AGO1: variants seen among roughly 807,000 people sequenced by gnomAD.
AGO1 encodes protein argonaute-1.
A neutral mutation model predicts 109.2 loss-of-function variants in AGO1; 11 were observed. The ratio of observed to expected loss-of-function variants is 0.10; its 90% CI spans 0.06 to 0.17. AGO1 has a LOEUF of 0.17. Among genes scored for constraint, AGO1 ranks in the 10% least tolerant of loss-of-function variants. The pLI, the probability that AGO1 is intolerant of heterozygous loss-of-function variation, is 1.00. For missense variants in AGO1, 574 were observed against 1,140.3 expected (o/e 0.50, Z 7.15); for synonymous variants, 422 against 418.6 (o/e 1.01, Z -0.10).
intron 3 of AGO1, among the ~76,000 whole-genome samples, 184 bp downstream of exon 3, chr1:35,892,861 A>G (rs1645247046): frequency 1.3e-5 from 2 of 152,316 alleles, no homozygotes; most frequent in South Asian, 4.1e-4. Flanking sequence ...TGTCCTAAAC[A>G]GATTGAGATT....
Position 35,927,386 on chromosome 1 carries a change from T to C in AGO1, c.*7779T>C, listed in dbSNP as rs543584812. The C allele has an allele frequency of 1.3e-5, 2 of 152,240 alleles. No individual in the cohort carries two copies. Among genetic ancestry groups the C allele is most frequent in the East Asian group, 3.9e-4 (2 of 5,180 alleles). The allele number at this position is 152,240 out of a possible 1,614,324, so 9.4% of individuals were successfully genotyped here. A position where few individuals can be genotyped will look rare whatever the true frequency, so the allele number is the denominator to read the frequency against. Reference sequence around the variant, plus strand: ...ACACCAAAGACTCAGTTTCTTGAAATTTTTTTGCTCTGCCATCCTCCATGT... The same window carrying C: ...ACACCAAAGACTCAGTTTCTTGAAACTTTTTTGCTCTGCCATCCTCCATGT... On this transcript the variant is annotated 3_prime_UTR_variant, in exon 19 of 19. Coordinates refer to ENST00000373204, the MANE Select transcript of AGO1 (RefSeq NM_012199.5).
At chr1:35,871,031 G>C (rs1644945538) in intron 1 of AGO1, among the ~76,000 whole-genome samples, 1 of 152,162 alleles carries the variant, frequency 6.6e-6, no homozygotes, top group Admixed American at 6.5e-5. Flanking sequence ...AAACAGTGCT[G>C]CTAAGAACAT....
intron 14 of AGO1, 81 bp downstream of exon 14, chr1:35,914,355 C>A: frequency 8.6e-7 from 1 of 1,156,244 alleles, no homozygotes; most frequent in Non-Finnish European, 1.3e-6. Flanking sequence ...TTCCTTCCCT[C>A]AGCTCTGGCT....
chr1:35,872,492 A>G (rs1644960247), intron 1 of AGO1, among the ~76,000 whole-genome samples: 1 of 152,012 alleles, frequency 6.6e-6, no homozygotes, highest in African/African-American at 2.4e-5. Flanking sequence ...GGCCCGACTC[A>G]ATTTCTTTAA....
chr1:35,870,156 G>T (rs1644935932), intron 1 of AGO1, among the ~76,000 whole-genome samples: 1 of 152,062 alleles, frequency 6.6e-6, no homozygotes, highest in Non-Finnish European at 1.5e-5. Context: ...TCCGCCTGTG[G>T]CTGGGAGTCC....
At chr1:35,871,645 G>A (rs1644952184) in intron 1 of AGO1, among the ~76,000 whole-genome samples, 1 of 152,096 alleles carries the variant, frequency 6.6e-6, no homozygotes, top group Admixed American at 6.6e-5. Flanking sequence ...GGCCAAGGTG[G>A]GAGAATTGCT....
chr1:35,871,511 C>G (rs1644951076), intron 1 of AGO1, among the ~76,000 whole-genome samples: 1 of 151,518 alleles, frequency 6.6e-6, no homozygotes, highest in African/African-American at 2.4e-5. Context: ...CCACTGCACT[C>G]CAGCCTGGTG....
intron 12 of AGO1, among the ~76,000 whole-genome samples, chr1:35,909,398 T>C (rs758880797): frequency 3.3e-5 from 5 of 152,226 alleles, no homozygotes; most frequent in Non-Finnish European, 5.9e-5. Context: ...GAATTAATTA[T>C]ATAAAAAGCA....
intron 15 of AGO1, among the ~76,000 whole-genome samples, chr1:35,916,572 C>T (rs754005407): frequency 1.8e-4 from 27 of 152,040 alleles, no homozygotes; most frequent in Non-Finnish European, 4.0e-4. Context: ...TTCACTATGT[C>T]GGCCAGGCTG....
At chr1:35,903,080 A>C (rs1288952342) in intron 11 of AGO1, among the ~76,000 whole-genome samples, 1 of 139,588 alleles carries the variant, frequency 7.2e-6, no homozygotes, top group Non-Finnish European at 1.5e-5. Flanking sequence ...ATCTTGGCTC[A>C]CTGCAAGCTC....
chr1:35,916,006 A>G (rs1009446964), intron 15 of AGO1, among the ~76,000 whole-genome samples: 1 of 150,656 alleles, frequency 6.6e-6, no homozygotes, highest in African/African-American at 2.5e-5. Flanking sequence ...TATTCCTCCT[A>G]TTCATTCTCA....
In AGO1 at chr1:35,921,552, G is replaced by A. The variant is rs955570714; in HGVS notation, c.*1945G>A. The A allele has an allele frequency of 6.5e-5, 10 of 152,706 alleles. No homozygotes were observed. Among genetic ancestry groups the A allele is most frequent in the African/African-American group, 2.4e-4 (10 of 41,454 alleles). 9.5% of individuals were successfully genotyped at this position (152,706 alleles called of 1,614,324 possible). A position where few individuals can be genotyped will look rare whatever the true frequency, so the allele number is the denominator to read the frequency against. ...ATTACTTTAGACCTAGCCCAGGCTT[G>A]GAGGCCAGCTGGAGGAAGAAGGGTC... On this transcript the variant is annotated 3_prime_UTR_variant, in exon 19 of 19. Transcript: ENST00000373204.
intron 11 of AGO1, among the ~76,000 whole-genome samples, chr1:35,903,228 G>A (rs570666415): frequency 2.6e-5 from 4 of 151,400 alleles, no homozygotes; most frequent in Non-Finnish European, 5.9e-5. Flanking sequence ...GGATGATCTC[G>A]ATTTCCTGAC....
chr1:35,916,112 C>T (rs912021715), intron 15 of AGO1, among the ~76,000 whole-genome samples: 9 of 151,956 alleles, frequency 5.9e-5, no homozygotes, highest in African/African-American at 1.9e-4. Flanking sequence ...AATGAACTTC[C>T]TATGTGCCAT....
In AGO1 at chr1:35,926,947, T is replaced by G. The variant is rs991298321; in HGVS notation, c.*7340T>G. On this transcript the variant is annotated 3_prime_UTR_variant, in exon 19 of 19. Transcript: ENST00000373204. ...TGGCAATGGTTTTTTGTTTGGGGTT[T>G]TTTTTTTTTTTTTTTTGGACAAAGT... The G allele has an allele frequency of 1.3e-5, 2 of 148,756 alleles. No individual in the cohort carries two copies. The highest frequency in any genetic ancestry group is 4.9e-5 in the African/African-American group (2 of 40,692). 9.2% of individuals were successfully genotyped at this position (148,756 alleles called of 1,614,324 possible). A position where few individuals can be genotyped will look rare whatever the true frequency, so the allele number is the denominator to read the frequency against.
chr1:35,895,324 A>T lies in AGO1; in HGVS notation c.1020+55A>T, dbSNP rs899146737. 4 of 1,528,374 alleles carry T rather than the reference A, an allele frequency of 2.6e-6. No individual in the cohort carries two copies. In the Admixed American group the frequency reaches 6.0e-5, roughly 23 times the overall value. The allele number at this position is 1,528,374 out of a possible 1,614,324, so 94.7% of individuals were successfully genotyped here. A position where few individuals can be genotyped will look rare whatever the true frequency, so the allele number is the denominator to read the frequency against. ...AGGCATTGTATATACCTGCATGCTGATCATCAGATGTCTGTTCTTTCATTT... is the reference window on the plus strand; with the variant it reads ...AGGCATTGTATATACCTGCATGCTGTTCATCAGATGTCTGTTCTTTCATTT... On this transcript the variant is annotated intron_variant, in intron 8 of 18. Coordinates refer to ENST00000373204, the MANE Select transcript of AGO1 (RefSeq NM_012199.5).
chr1:35,881,425 A>G (rs1446490832), upstream of AGO1, among the ~76,000 whole-genome samples: 1 of 152,074 alleles, frequency 6.6e-6, no homozygotes. Context: ...GGTTCAAGCT[A>G]TTCTCCTGCC....
rs551808585 is a variant in AGO1 at position 35,924,847 on chromosome 1, T to C, written c.*5240T>C. On this transcript the variant is annotated 3_prime_UTR_variant, in exon 19 of 19. Transcript: ENST00000373204. ...TGTATAGACTGAGTTTTGAGGTGTT[T>C]GTGGGGCAGTAAGGGTAAGGTGTCC... 1 of 152,264 alleles carries C rather than the reference T, an allele frequency of 6.6e-6. No homozygotes were observed. Among genetic ancestry groups the C allele is most frequent in the East Asian group, 1.9e-4 (1 of 5,176 alleles). 9.4% of individuals were successfully genotyped at this position (152,264 alleles called of 1,614,324 possible).
chr1:35,888,474 C>G lies in AGO1; in HGVS notation c.73C>G (p.Arg25Gly), dbSNP rs779432389. 18 of 1,614,200 alleles carry G rather than the reference C, an allele frequency of 1.1e-5. No individual in the cohort carries two copies. The East Asian group carries it at 3.8e-4, about 34-fold the overall frequency. Residue 25 changes from arginine (R) to glycine (G), a missense_variant, in exon 2 of 19, where the codon CGC becomes GGC. Arg to Gly is a moderately radical substitution (Grantham distance 125, BLOSUM62 -2). This residue lies in a region of AGO1 where 89 missense variants were observed against 109.6 expected (regional missense o/e 0.81). Coordinates refer to ENST00000373204, the MANE Select transcript of AGO1 (RefSeq NM_012199.5). This position sits in a 1 kb window ranked among gnomAD's most constrained non-coding sequence, Gnocchi z 4.1. ...PPLQQVFQAP[R>G]RPGIGTVGKP... is the part of the protein sequence containing the mutation. ...CCTGCAGCAGGTGTTCCAGGCACCT[C>G]GCCGGCCTGGCATTGGCACTGTGGG...
Sources: gnomAD v4.1 joint callset for allele counts (sites outside exome capture counted in the v4.1 genomes callset) on GRCh38, gnomAD v4.1.1 for gene constraint, gnomAD v4.1.1 regional missense constraint, Gnocchi (gnomAD v3.1) non-coding constraint, MANE v1.5 for transcripts, NCBI Gene and HGNC (gene_info 2026-07-23, HGNC 2026-07-21) for gene names.